CD302: variants seen among roughly 807,000 people sequenced by gnomAD.
The protein encoded by CD302 is CD302 antigen.
Under a neutral mutation model 26.5 loss-of-function variants are expected in CD302, and 23 were observed. That is an observed-to-expected ratio of 0.87 (90% CI 0.62 to 1.23). CD302 has a LOEUF of 1.23. CD302 is among the 50% of genes most tolerant of loss of function. The pLI, the probability that CD302 is intolerant of heterozygous loss-of-function variation, is 0.00. For missense variants in CD302, 290 were observed against 275.5 expected, an observed-to-expected ratio of 1.05 and a Z score of -0.37; for synonymous variants, 90 against 99.4, an observed-to-expected ratio of 0.91 and a Z score of 0.56.
intron 1 of CD302, among the ~76,000 whole-genome samples, chr2:159,797,196 A>C: frequency 8.3e-6 from 1 of 120,762 alleles, no homozygotes; most frequent in East Asian, 2.7e-4. Flanking sequence ...TTATTATAAA[A>C]ACGCAGTGAA....
chr2:159,786,443 C>T (rs1324138735), intron 1 of CD302, among the ~76,000 whole-genome samples: 1 of 151,402 alleles, frequency 6.6e-6, no homozygotes, highest in Non-Finnish European at 1.5e-5. Context: ...AAGTGATTCT[C>T]CTGCCTCAGC....
chr2:159,772,136 T>C (rs1708168563), intron 5 of CD302, 83 bp from the exon 6 acceptor site: 2 of 1,447,536 alleles, frequency 1.4e-6, no homozygotes, highest in Non-Finnish European at 1.9e-6. Flanking sequence ...AACTGTAGTT[T>C]TGTGTAAACA....
chr2:159,774,242 ATATG>A (rs778200773), intron 5 of CD302, among the ~76,000 whole-genome samples: 4 of 152,084 alleles, frequency 2.6e-5, no homozygotes, highest in Non-Finnish European at 5.9e-5. Context: ...CCATAGATAA[ATATG>A]TGTGTGTAGC....
chr2:159,792,977 C>T (rs1348911482), intron 1 of CD302, among the ~76,000 whole-genome samples: 29 of 152,172 alleles, frequency 1.9e-4, no homozygotes, highest in Admixed American at 1.9e-3. Flanking sequence ...GAACAGTGCT[C>T]AAATAGAGGC....
chr2:159,793,813 G>A (rs988068669), intron 1 of CD302, among the ~76,000 whole-genome samples: 10 of 152,062 alleles, frequency 6.6e-5, no homozygotes, highest in Admixed American at 1.3e-4. Context: ...TAGCTTTCAA[G>A]ACATCCATCT....
At chr2:159,772,522 T>G (rs1708183826) in intron 5 of CD302, among the ~76,000 whole-genome samples, 1 of 152,214 alleles carries the variant, frequency 6.6e-6, no homozygotes. Context: ...TGTGTGTCTT[T>G]GCATTCATTC....
At chr2:159,784,455 A>C (rs751654667) in intron 1 of CD302, among the ~76,000 whole-genome samples, 3 of 144,962 alleles carry the variant, frequency 2.1e-5, no homozygotes, top group Non-Finnish European at 4.5e-5. Context: ...TCCTGGGCTC[A>C]AGGGATCCTC....
chr2:159,788,037 G>A (rs576601366), intron 1 of CD302, among the ~76,000 whole-genome samples: 1 of 152,020 alleles, frequency 6.6e-6, no homozygotes, highest in Non-Finnish European at 1.5e-5. Context: ...AACCCAGGAG[G>A]CGGAGGTTGC....
chr2:159,778,077 CAA>C (rs1708393153), intron 4 of CD302, 113 bp from the exon 5 acceptor site: 1 of 159,720 alleles, frequency 6.3e-6, no homozygotes, highest in Non-Finnish European at 1.1e-5. Flanking sequence ...AGCTTAATAT[CAA>C]TATATTCATA....
intron 5 of CD302, 135 bp downstream of exon 5, chr2:159,777,803 T>A (rs1030212081): frequency 2.4e-6 from 1 of 424,146 alleles, no homozygotes; most frequent in Non-Finnish European, 4.2e-6. Flanking sequence ...TAAGAGACCT[T>A]TCTACATTCT....
chr2:159,772,096 C>T (rs17229271), intron 5 of CD302, 43 bp from the exon 6 acceptor site: 133,298 of 1,588,168 alleles, frequency 0.084, 6,074 homozygotes, highest in Non-Finnish European at 0.095. Flanking sequence ...AATTAGGGTA[C>T]ACAAGTTGCA....
At chr2:159,795,469 G>A (rs1392768954) in intron 1 of CD302, among the ~76,000 whole-genome samples, 2 of 152,332 alleles carry the variant, frequency 1.3e-5, no homozygotes, top group East Asian at 1.9e-4. Context: ...TAAAATCTCT[G>A]TTATGGAGCT....
intron 5 of CD302, among the ~76,000 whole-genome samples, chr2:159,776,695 C>T (rs1708337703): frequency 7.4e-6 from 1 of 135,420 alleles, no homozygotes; most frequent in South Asian, 2.3e-4. Flanking sequence ...GACTCACATC[C>T]AATTTTTTTT....
At position 159,780,057 on chromosome 2, in the gene CD302, T is replaced by G. The variant is rs762701332; in HGVS notation, c.417A>C (p.Lys139Asn). ...CAGAAGAAACTTCACAATTTCCTTT[T>G]TTCCATTCACCTGTCTTGATGTGCA... Reference protein sequence around the residue: ...AFLHIKTGEWKKGNCEVSSVE... With the variant: ...AFLHIKTGEWNKGNCEVSSVE... Residue 139 changes from lysine (K) to asparagine (N), a missense_variant, in exon 4 of 6, where the codon AAA (lysine) becomes AAC (asparagine). Lys to Asn is a moderately conservative substitution (Grantham distance 94). Coordinates refer to ENST00000259053, the MANE Select transcript of CD302 (RefSeq NM_014880.5). 2 of 1,614,056 alleles carry G rather than the reference T, an allele frequency of 1.2e-6. No homozygotes were observed. The highest frequency in any genetic ancestry group is 1.7e-6 in the Non-Finnish European group (2 of 1,180,016).
rs1708152600 is a variant in CD302, at chr2:159,771,783, T to C, written c.*68A>G. 6.5e-7 allele frequency: 1 copy of C among 1,547,928 alleles called. No individual in the cohort carries two copies. The stretch of plus-strand genomic sequence containing the variant: ...TAATATCCAATGTCAAGTTTTATAT[T>C]AAAATCTTTCCCAAGTTATCTCTGC... On this transcript the variant is annotated 3_prime_UTR_variant, in exon 6 of 6. Coordinates refer to ENST00000259053, the MANE Select transcript of CD302 (RefSeq NM_014880.5).
At chr2:159,798,060 G>A (rs1367327485) in intron 1 of CD302, 72 bp downstream of exon 1, 12 of 1,403,512 alleles carry the variant, frequency 8.5e-6, no homozygotes, top group South Asian at 7.7e-5. Flanking sequence ...GCGCGGGGAC[G>A]AAGAGCGTGC....
At chr2:159,777,721 AT>A (rs1342584649) in intron 5 of CD302, among the ~76,000 whole-genome samples, 2 of 152,216 alleles carry the variant, frequency 1.3e-5, no homozygotes, top group Non-Finnish European at 2.9e-5. Flanking sequence ...ATCTAAAAAA[AT>A]ATTCCCGAGT....
At chr2:159,779,710 C>T (rs527594895) in intron 4 of CD302, among the ~76,000 whole-genome samples, 1 of 151,896 alleles carries the variant, frequency 6.6e-6, no homozygotes, top group Non-Finnish European at 1.5e-5. Flanking sequence ...CTCAATTGAT[C>T]CTCCCACCTC....
At chr2:159,774,130 T>C (rs1708239958) in intron 5 of CD302, among the ~76,000 whole-genome samples, 1 of 152,032 alleles carries the variant, frequency 6.6e-6, no homozygotes, top group South Asian at 2.1e-4. Flanking sequence ...CTCACTTGGC[T>C]TCCCTGACTG....
Sources: gnomAD v4.1 joint callset for allele counts (sites outside exome capture counted in the v4.1 genomes callset) on GRCh38, gnomAD v4.1.1 for gene constraint, MANE v1.5 for transcripts, NCBI Gene and HGNC (gene_info 2026-07-23, HGNC 2026-07-21) for gene names.